The following COL21A1 variants were observed in gnomAD, a reference collection of about 807,000 sequenced individuals.
COL21A1 encodes the protein collagen alpha-1(XXI) chain.
A neutral mutation model predicts 137.9 loss-of-function variants in COL21A1; 149 were observed. The observed-to-expected ratio is 1.08, with a 90% CI of 0.95 to 1.24. The LOEUF is 1.24. Among genes scored for constraint, COL21A1 ranks in the 50% most tolerant of loss-of-function variants. The probability of loss-of-function intolerance (pLI) is 0.00; values close to 1 mark genes in which losing one functional copy is unlikely to be tolerated. For synonymous variants in COL21A1, 456 were observed against 391.5 expected (o/e 1.16, Z -1.95); for missense variants, 1,167 against 1,158.4 (o/e 1.01, Z -0.11).
At chr6:56,308,654 A>T (rs527330682) in intron 1 of COL21A1, among the ~76,000 whole-genome samples, 2 of 152,348 alleles carry the variant, frequency 1.3e-5, no homozygotes, top group East Asian at 3.9e-4. Flanking sequence ...TATCTACCAT[A>T]AAACATTGTA....
chr6:56,125,511 G>C (rs1772976566), intron 14 of COL21A1, 56 bp downstream of exon 14: 1 of 1,272,864 alleles, frequency 7.9e-7, no homozygotes, highest in East Asian at 2.4e-5. Context: ...CTAGTTTTCT[G>C]TTTCCATTAC....
intron 10 of COL21A1, among the ~76,000 whole-genome samples, chr6:56,154,891 GA>G (rs962260298): frequency 8.7e-5 from 13 of 149,886 alleles, no homozygotes; most frequent in South Asian, 2.1e-4. Flanking sequence ...TACTTTTTAA[GA>G]AAAAAAAAAT....
At chr6:56,195,759 G>A (rs1233606945) in intron 1 of COL21A1, among the ~76,000 whole-genome samples, 1 of 151,994 alleles carries the variant, frequency 6.6e-6, no homozygotes, top group Non-Finnish European at 1.5e-5. Flanking sequence ...AACAGAAAAG[G>A]TCCAGGAGCA....
chr6:56,273,208 TA>T (rs1253235265), intron 1 of COL21A1, among the ~76,000 whole-genome samples: 1 of 152,090 alleles, frequency 6.6e-6, no homozygotes, highest in African/African-American at 2.4e-5. Context: ...CAACACAACT[TA>T]CCAAAATCTC....
intron 10 of COL21A1, 137 bp from the exon 11 acceptor site, chr6:56,142,120 G>A (rs562355195): frequency 1.6e-6 from 1 of 625,850 alleles, no homozygotes. Context: ...AAATAATAAA[G>A]TGTTAAATGC....
chr6:56,096,764 T>A (rs1224348160), intron 17 of COL21A1, among the ~76,000 whole-genome samples: 9 of 152,154 alleles, frequency 5.9e-5, no homozygotes, highest in Admixed American at 5.2e-4. Flanking sequence ...CTTCTGTCCT[T>A]CCATGTGAAA....
At chr6:56,285,700 C>T (rs1367076005) in intron 1 of COL21A1, among the ~76,000 whole-genome samples, 1 of 152,138 alleles carries the variant, frequency 6.6e-6, no homozygotes, top group Non-Finnish European at 1.5e-5. Context: ...CCACTACCCT[C>T]CTAAGGCTCC....
intron 1 of COL21A1, among the ~76,000 whole-genome samples, chr6:56,229,500 C>T (rs577529555): frequency 6.6e-6 from 1 of 151,942 alleles, no homozygotes; most frequent in Non-Finnish European, 1.5e-5. Context: ...ATTGAATTAT[C>T]GTACACTAAC....
intron 1 of COL21A1, among the ~76,000 whole-genome samples, chr6:56,205,545 A>G (rs540038614): frequency 1.3e-5 from 2 of 152,346 alleles, no homozygotes; most frequent in African/African-American, 4.8e-5. Context: ...AATGGAACCA[A>G]GTTGGAAAAC....
intron 1 of COL21A1, among the ~76,000 whole-genome samples, chr6:56,376,644 TA>T (rs145672113): frequency 0.2 from 30,431 of 151,808 alleles, 3,588 homozygotes; most frequent in African/African-American, 0.32. Flanking sequence ...CTTTTAGAGA[TA>T]GGGGAGAAGT....
intron 14 of COL21A1, 27 bp downstream of exon 14, chr6:56,125,540 A>G (rs1772980946): frequency 2.0e-6 from 3 of 1,533,320 alleles, no homozygotes; most frequent in Non-Finnish European, 2.7e-6. Flanking sequence ...TTCAATATGA[A>G]TACTTTGTTG....
intron 1 of COL21A1, among the ~76,000 whole-genome samples, chr6:56,268,206 C>A (rs1054976597): frequency 6.6e-6 from 1 of 152,166 alleles, no homozygotes; most frequent in South Asian, 2.1e-4. Flanking sequence ...GACACAGGAG[C>A]AGGGCATGCT....
chr6:56,256,206 AC>A (rs1357954410), intron 1 of COL21A1, among the ~76,000 whole-genome samples: 1 of 152,234 alleles, frequency 6.6e-6, no homozygotes, highest in Non-Finnish European at 1.5e-5. Context: ...GTCTCATAAC[AC>A]TTCTCAGCTC....
chr6:56,300,008 T>G (rs961940986), intron 1 of COL21A1, among the ~76,000 whole-genome samples: 1 of 152,082 alleles, frequency 6.6e-6, no homozygotes, highest in African/African-American at 2.4e-5. Flanking sequence ...ATAGGAAAAT[T>G]AAACAAGGCT....
rs1561898404 is a variant in COL21A1 at position 56,130,190 on chromosome 6, TA to T, written c.1543-4042del. On this transcript the variant is annotated intron_variant, in intron 12 of 29. Coordinates refer to ENST00000244728, the MANE Select transcript of COL21A1 (RefSeq NM_030820.4). ...TTATATATATATATATATATATATA[TA>T]TATATATATATATATATATAAAATT... is the stretch of plus-strand genomic sequence containing the variant. 2.1e-4 allele frequency among the ~76,000 whole-genome samples: 3 copies of T among 14,090 alleles called. No homozygotes were observed. The East Asian group carries it at 0.022, about 104-fold the overall frequency. 9.2% of individuals were successfully genotyped at this position (14,090 alleles called of 152,430 possible). A position where few individuals can be genotyped will look rare whatever the true frequency, so the allele number is the denominator to read the frequency against.
At chr6:56,219,216 CAAAAAAAAAA>C (rs386407160) in intron 1 of COL21A1, among the ~76,000 whole-genome samples, 6 of 76,484 alleles carry the variant, frequency 7.8e-5, no homozygotes, top group Non-Finnish European at 1.2e-4. Flanking sequence ...AAACTTGCAC[CAAAAAAAAAA>C]AAAAAAAAAA....
At chr6:56,227,633 A>G (rs1348504290) in intron 1 of COL21A1, among the ~76,000 whole-genome samples, 1 of 152,060 alleles carries the variant, frequency 6.6e-6, no homozygotes, top group African/African-American at 2.4e-5. Flanking sequence ...ATATTTTCCC[A>G]CTACTATTTG....
intron 16 of COL21A1, among the ~76,000 whole-genome samples, chr6:56,123,010 T>A (rs943013112): frequency 3.9e-5 from 6 of 152,226 alleles, no homozygotes; most frequent in Admixed American, 2.0e-4. Flanking sequence ...TCTTGGGGTA[T>A]ATGGATTTAT....
At chr6:56,081,442 C>A (rs1031610733) in intron 17 of COL21A1, among the ~76,000 whole-genome samples, 1 of 151,728 alleles carries the variant, frequency 6.6e-6, no homozygotes, top group African/African-American at 2.4e-5. Flanking sequence ...ACTATCATGA[C>A]TTTTGCTTTT....
Sources: gnomAD v4.1 joint callset for allele counts (sites outside exome capture counted in the v4.1 genomes callset) on GRCh38, gnomAD v4.1.1 for gene constraint, MANE v1.5 for transcripts, NCBI Gene and HGNC (gene_info 2026-07-23, HGNC 2026-07-21) for gene names.